Variants in SLC12A1 observed in about 807,000 individuals in gnomAD.
SLC12A1 encodes the protein solute carrier family 12 member 1, also known as Na-K-2Cl cotransporter.
In SLC12A1, 89 loss-of-function variants were observed where a neutral mutation model predicts 130.4. The ratio of observed to expected loss-of-function variants is 0.68; its 90% CI spans 0.58 to 0.81. The LOEUF is 0.81. SLC12A1 is among the 40% of genes least tolerant of loss of function. The pLI is 0.00. For missense variants in SLC12A1, 1,310 were observed against 1,336.4 expected (o/e 0.98, Z 0.31); for synonymous variants, 499 against 460.0 (o/e 1.08, Z -1.09).
intron 18 of SLC12A1, among the ~76,000 whole-genome samples, chr15:48,269,050 G>A (rs2041863648): frequency 6.6e-6 from 1 of 152,146 alleles, no homozygotes. Context: ...GCAATTCATA[G>A]GTGCTTAGTA....
At chr15:48,237,841 A>T (rs901786834) in intron 9 of SLC12A1, among the ~76,000 whole-genome samples, 1 of 152,172 alleles carries the variant, frequency 6.6e-6, no homozygotes, top group Admixed American at 6.5e-5. Flanking sequence ...GCCTGCTAAC[A>T]GCTTGTGGAG....
intron 25 of SLC12A1, among the ~76,000 whole-genome samples, chr15:48,299,679 A>T (rs1485002266): frequency 6.6e-6 from 1 of 152,234 alleles, no homozygotes; most frequent in Non-Finnish European, 1.5e-5. Flanking sequence ...ATGGCTATGA[A>T]AAACTTATAA....
intron 17 of SLC12A1, among the ~76,000 whole-genome samples, chr15:48,261,943 C>T (rs560716250): frequency 3.3e-5 from 5 of 152,192 alleles, no homozygotes; most frequent in African/African-American, 1.2e-4. Flanking sequence ...TATAGAGTTG[C>T]TATTTGAATT....
At chr15:48,215,857 A>C (rs903932577) in intron 2 of SLC12A1, among the ~76,000 whole-genome samples, 9 of 152,238 alleles carry the variant, frequency 5.9e-5, no homozygotes, top group Non-Finnish European at 1.2e-4. Flanking sequence ...TCTTATTGGC[A>C]GTATTCAAGC....
At chr15:48,253,498 T>A (rs1318126585) in intron 15 of SLC12A1, among the ~76,000 whole-genome samples, 1 of 152,250 alleles carries the variant, frequency 6.6e-6, no homozygotes, top group Non-Finnish European at 1.5e-5. Context: ...GATTTATCCA[T>A]GCTGTTGCAT....
rs1465256944 is a variant in SLC12A1 at position 48,249,640 on chromosome 15, T to G, written c.1750T>G (p.Phe584Val). The G allele has an allele frequency of 3.7e-6, 6 of 1,613,918 alleles. No homozygotes were observed. Among genetic ancestry groups the G allele is most frequent in the Non-Finnish European group, 5.1e-6 (6 of 1,179,818 alleles). The change falls in exon 14 of 27, where the codon TTC (phenylalanine) becomes GTC (valine). Residue 584 changes from phenylalanine to valine, a missense_variant. Phe to Val is a conservative substitution (Grantham distance 50). Coordinates refer to ENST00000380993, the MANE Select transcript of SLC12A1 (RefSeq NM_000338.3). ...CCTGGCCTCATATGCACTTATTAATTTCTCCTGCTTCCATGCCTCTTATGC... is the reference window on the plus strand; with the variant it reads ...CCTGGCCTCATATGCACTTATTAATGTCTCCTGCTTCCATGCCTCTTATGC... ...FFLASYALIN[F>V]SCFHASYAKS... is the part of the protein sequence containing the mutation.
Position 48,232,399 on chromosome 15 carries a change from G to T in SLC12A1, c.976-328G>T, listed in dbSNP as rs1009326576. On this transcript the variant is annotated intron_variant, in intron 7 of 26. Transcript: ENST00000380993. ...AACAAACAAACAAAACCCCCCTCAA[G>T]TTTATCAGTGTTAAAACTTTTGGCT... is the stretch of plus-strand genomic sequence containing the variant. Among the ~76,000 whole-genome samples the T allele has an allele frequency of 3.3e-5, 5 of 152,176 alleles. No homozygotes were observed. In the South Asian group the frequency reaches 6.2e-4, roughly 19 times the overall value.
intron 24 of SLC12A1, among the ~76,000 whole-genome samples, chr15:48,292,763 A>C (rs1441966437): frequency 6.6e-6 from 1 of 152,144 alleles, no homozygotes; most frequent in Non-Finnish European, 1.5e-5. Flanking sequence ...CTAATCCTAA[A>C]ATAGGGAACC....
At chr15:48,239,548 A>AAATAAATAAATT (rs1315225426) in intron 9 of SLC12A1, among the ~76,000 whole-genome samples, 7 of 148,834 alleles carry the variant, frequency 4.7e-5, no homozygotes, top group African/African-American at 1.7e-4. Context: ...ATAAATAAAT[A>AAATAAATAAATT]ATAATGTCTT....
At chr15:48,238,432 A>G (rs1226954992) in intron 9 of SLC12A1, among the ~76,000 whole-genome samples, 1 of 152,196 alleles carries the variant, frequency 6.6e-6, no homozygotes, top group Non-Finnish European at 1.5e-5. Flanking sequence ...TCAGGCAGAC[A>G]CAGACCTTCA....
chr15:48,251,252 T>C (rs1228775885), intron 14 of SLC12A1, among the ~76,000 whole-genome samples: 1 of 151,794 alleles, frequency 6.6e-6, no homozygotes, highest in African/African-American at 2.4e-5. Context: ...CCTCCCCACC[T>C]GGTAGATCCC....
In SLC12A1 at chr15:48,301,380, C is replaced by T. The variant is rs1412950961; in HGVS notation, c.3162C>T (p.Val1054=). Residue 1054 remains valine (V), a splice_region_variant and synonymous_variant, in exon 26 of 27, where the codon GTC becomes GTT. Transcript: ENST00000380993. ...ACTCCAGAGCTGCTAATCTCATTGT[C>T]CTGTAAGTATCATTGCAAGCATTGA... The part of the protein sequence containing the change: ...QEHSRAANLI[V]LSLPVARKGS... 1 of 1,579,084 alleles carries T rather than the reference C, an allele frequency of 6.3e-7. No individual in the cohort carries two copies. The highest frequency in any genetic ancestry group is 8.6e-7 in the Non-Finnish European group (1 of 1,159,878).
At chr15:48,258,360 CAAAAAAAAA>C (rs35613910) in intron 16 of SLC12A1, among the ~76,000 whole-genome samples, 8 of 30,244 alleles carry the variant, frequency 2.6e-4, no homozygotes, top group East Asian at 2.3e-3. Context: ...GACTCCGTCT[CAAAAAAAAA>C]AAAAAAAAAA....
At chr15:48,282,266 G>C (rs1036129305) in intron 20 of SLC12A1, among the ~76,000 whole-genome samples, 1 of 152,040 alleles carries the variant, frequency 6.6e-6, no homozygotes, top group African/African-American at 2.4e-5. Context: ...TAAAGCATTC[G>C]AGCAAAATTT....
intron 4 of SLC12A1, chr15:48,222,947 C>T (rs2041234181): frequency 6.6e-6 from 1 of 152,194 alleles, no homozygotes; most frequent in Non-Finnish European, 1.5e-5. Flanking sequence ...AAGCAAAGGG[C>T]TGAATGAGCT....
At chr15:48,288,001 C>T in intron 21 of SLC12A1, 42 bp from the exon 22 acceptor site, 2 of 1,584,714 alleles carry the variant, frequency 1.3e-6, no homozygotes, top group Non-Finnish European at 1.7e-6. Flanking sequence ...TTGTTTCTGC[C>T]CTCAAAAGCA....
intron 21 of SLC12A1, among the ~76,000 whole-genome samples, chr15:48,287,172 T>C (rs1386877141): frequency 6.6e-6 from 1 of 152,156 alleles, no homozygotes; most frequent in African/African-American, 2.4e-5. Flanking sequence ...AAATGCTACG[T>C]ACGCTGTGGC....
intron 23 of SLC12A1, among the ~76,000 whole-genome samples, chr15:48,289,766 T>C (rs1057161741): frequency 1.3e-5 from 2 of 152,088 alleles, no homozygotes; most frequent in African/African-American, 2.4e-5. Flanking sequence ...TCCACTTGTA[T>C]TGGGCACTTA....
At chr15:48,300,116 G>A (rs1349769579) in intron 25 of SLC12A1, among the ~76,000 whole-genome samples, 2 of 152,120 alleles carry the variant, frequency 1.3e-5, no homozygotes, top group Non-Finnish European at 2.9e-5. Context: ...AGGACTGCTT[G>A]AGCCCAGGAG....
Sources: gnomAD v4.1 joint callset for allele counts (sites outside exome capture counted in the v4.1 genomes callset) on GRCh38, gnomAD v4.1.1 for gene constraint, MANE v1.5 for transcripts, NCBI Gene and HGNC (gene_info 2026-07-23, HGNC 2026-07-21) for gene names.